Variants in TBCD observed in about 807,000 individuals in gnomAD.
TBCD encodes tubulin folding cofactor D, also known as tubulin-specific chaperone D.
TBCD carries 105 observed loss-of-function variants against 169.3 expected under a neutral mutation model. That is an observed-to-expected ratio of 0.62 (90% CI 0.53 to 0.73). The LOEUF is 0.73. Ranked by LOEUF, TBCD falls within the 30% of genes least tolerant of loss-of-function variation. The pLI is 0.00. For synonymous variants in TBCD, 700 were observed against 643.9 expected (o/e 1.09, Z -1.32); for missense variants, 1,444 against 1,600.1 (o/e 0.90, Z 1.66).
At chr17:82,816,945 G>A (rs2051965319) in intron 13 of TBCD, among the ~76,000 whole-genome samples, 1 of 151,740 alleles carries the variant, frequency 6.6e-6, no homozygotes, top group African/African-American at 2.4e-5. Context: ...ATGACACTGA[G>A]CATTTTCTGT....
chr17:82,912,593 C>A (rs1376167676), intron 23 of TBCD, among the ~76,000 whole-genome samples: 1 of 150,146 alleles, frequency 6.7e-6, no homozygotes, highest in East Asian at 1.9e-4. Flanking sequence ...AGTGTGGAGG[C>A]ACAGCTGGTG....
At chr17:82,925,889 C>T (rs1005302516) in intron 27 of TBCD, among the ~76,000 whole-genome samples, 2 of 152,050 alleles carry the variant, frequency 1.3e-5, no homozygotes, top group Admixed American at 6.6e-5. Context: ...CCAGTGACAC[C>T]CTGGGGTGGG....
chr17:82,853,361 A>G (rs538911491), intron 13 of TBCD, among the ~76,000 whole-genome samples: 7 of 150,370 alleles, frequency 4.7e-5, no homozygotes, highest in African/African-American at 1.2e-4. Context: ...AGGTGCTGGG[A>G]TTACAGGCTT....
In TBCD at chr17:82,922,774, C is replaced by T. The variant is rs1252833235; in HGVS notation, c.2179-878C>T. Among the ~76,000 whole-genome samples the T allele has an allele frequency of 6.6e-6, 1 of 152,240 alleles. No homozygotes were observed. Among genetic ancestry groups the T allele is most frequent in the East Asian group, 1.9e-4 (1 of 5,200 alleles). ...CACCTGCCCCGCCCCCAGTGCCTCT[C>T]CAAGGCTGCTCTGTTGGCCTCGGCT... On this transcript the variant is annotated intron_variant, in intron 25 of 38. Coordinates refer to ENST00000355528, the MANE Select transcript of TBCD (RefSeq NM_005993.5). This position sits in a 1 kb window ranked among gnomAD's most constrained non-coding sequence, Gnocchi z 4.1.
chr17:82,769,590 C>G (rs1444222242), intron 5 of TBCD, among the ~76,000 whole-genome samples: 4 of 152,150 alleles, frequency 2.6e-5, no homozygotes, highest in Non-Finnish European at 5.9e-5. Flanking sequence ...TTAACCTATA[C>G]ATTGGGCTGG....
At chr17:82,863,741 C>G (rs114930472) in intron 13 of TBCD, among the ~76,000 whole-genome samples, 1,860 of 152,266 alleles carry the variant, frequency 0.012, 53 homozygotes, top group African/African-American at 0.043. Flanking sequence ...GCAGTTGGCT[C>G]CTGATGCAGC....
intron 9 of TBCD, among the ~76,000 whole-genome samples, chr17:82,804,612 C>G (rs1256927754): frequency 6.6e-6 from 1 of 152,194 alleles, no homozygotes; most frequent in African/African-American, 2.4e-5. Flanking sequence ...TTGGTGGGGA[C>G]CTGTTTGAAG....
intron 17 of TBCD, among the ~76,000 whole-genome samples, chr17:82,897,668 G>A (rs760539728): frequency 1.3e-5 from 2 of 152,234 alleles, no homozygotes; most frequent in Admixed American, 6.5e-5. Context: ...ACTGTGGTCA[G>A]TGTGGTGCAC....
chr17:82,812,473 C>G (rs567639297), intron 12 of TBCD, among the ~76,000 whole-genome samples: 2 of 152,228 alleles, frequency 1.3e-5, no homozygotes, highest in Admixed American at 6.5e-5. Context: ...AGAGCCCCCC[C>G]GCAGGTGACC....
Position 82,903,492 on chromosome 17 carries a change from C to T in TBCD, c.1804+14C>T. On this transcript the variant is annotated intron_variant, in intron 19 of 38. Transcript: ENST00000355528. This position sits in a 1 kb window ranked among gnomAD's most constrained non-coding sequence, Gnocchi z 4.8. Reference sequence around the variant, plus strand: ...GCGCCACGCAAGGTGGGTGTGTGTCCCGGCCGGCCTGCGGGCACCATGCAT... The same window carrying T: ...GCGCCACGCAAGGTGGGTGTGTGTCTCGGCCGGCCTGCGGGCACCATGCAT... 3 of 1,584,018 alleles carry T rather than the reference C, an allele frequency of 1.9e-6. No individual in the cohort carries two copies. Among genetic ancestry groups the T allele is most frequent in the Admixed American group, 1.8e-5 (1 of 55,712 alleles).
chr17:82,842,065 G>A (rs900940792), intron 13 of TBCD, among the ~76,000 whole-genome samples: 1 of 152,254 alleles, frequency 6.6e-6, no homozygotes, highest in Non-Finnish European at 1.5e-5. Context: ...GCAGCCTCGT[G>A]CTGCCCAGAT....
chr17:82,907,570 C>T (rs557117274), intron 20 of TBCD, among the ~76,000 whole-genome samples, 191 bp from the exon 21 acceptor site: 5 of 152,174 alleles, frequency 3.3e-5, no homozygotes, highest in South Asian at 4.1e-4. Flanking sequence ...CAAAAATAAT[C>T]GGAGGTATGT....
At chr17:82,845,899 G>T (rs942413966) in intron 13 of TBCD, among the ~76,000 whole-genome samples, 1 of 152,206 alleles carries the variant, frequency 6.6e-6, no homozygotes, top group Non-Finnish European at 1.5e-5. Flanking sequence ...TGTGTTCCTT[G>T]TGAGGTGCTG....
chr17:82,756,667 A>G (rs1261024885), intron 2 of TBCD, among the ~76,000 whole-genome samples: 2 of 151,936 alleles, frequency 1.3e-5, no homozygotes, highest in Non-Finnish European at 2.9e-5. Context: ...TTTAGTAGAG[A>G]CGGGGTTTCA....
Position 82,832,187 on chromosome 17 carries a change from A to C in TBCD, c.1318+17253A>C. On this transcript the variant is annotated intron_variant, in intron 13 of 38. Transcript: ENST00000355528. The surrounding 1 kb of genome is among the most constrained non-coding windows in gnomAD (Gnocchi z 4.9). ...AAGGCAGAGAGTCCATTTGCGACAG[A>C]CTTGGAAGAGGCTGGCTTCGCCGTG... 6.2e-7 allele frequency: 1 copy of C among 1,614,224 alleles called. No homozygotes were observed.
At chr17:82,791,996 G>A (rs1211542357) in intron 7 of TBCD, among the ~76,000 whole-genome samples, 1 of 152,176 alleles carries the variant, frequency 6.6e-6, no homozygotes, top group Non-Finnish European at 1.5e-5. Context: ...GCACATCTAA[G>A]CATAGAAAAG....
At position 82,807,587 on chromosome 17, in the gene TBCD, A is replaced by C. The variant is rs748602956; in HGVS notation, c.1088-21A>C. 7.4e-6 allele frequency: 11 copies of C among 1,490,100 alleles called. No individual in the cohort carries two copies. The African/African-American group carries it at 1.3e-4, about 17-fold the overall frequency. The allele number at this position is 1,490,100 out of a possible 1,614,324, so 92.3% of individuals were successfully genotyped here. A position where few individuals can be genotyped will look rare whatever the true frequency, so the allele number is the denominator to read the frequency against. ...GAACTTTGTGTGGACTCTGTCACGC[A>C]TCACCTTCCTCTTCCTACAGAGCAG... On this transcript the variant is annotated intron_variant, in intron 10 of 38. Coordinates refer to ENST00000355528, the MANE Select transcript of TBCD (RefSeq NM_005993.5).
intron 15 of TBCD, among the ~76,000 whole-genome samples, chr17:82,887,914 CT>C (rs1327204490): frequency 6.6e-6 from 1 of 152,100 alleles, no homozygotes. Flanking sequence ...CTGCTCAGGT[CT>C]TTTACTCATT....
At chr17:82,812,958 A>G (rs1231025022) in intron 12 of TBCD, among the ~76,000 whole-genome samples, 1 of 152,178 alleles carries the variant, frequency 6.6e-6, no homozygotes, top group African/African-American at 2.4e-5. Context: ...AGCTAGGACT[A>G]TAGGTGTGCA....
Sources: allele counts gnomAD v4.1 joint callset (sites outside exome capture counted in the v4.1 genomes callset), GRCh38; gene constraint gnomAD v4.1.1; non-coding constraint Gnocchi (gnomAD v3.1); transcripts MANE v1.5; gene names NCBI Gene and HGNC (gene_info 2026-07-23, HGNC 2026-07-21).